The following SGCG variants were observed in gnomAD, a reference collection of about 807,000 sequenced individuals.
SGCG encodes gamma-sarcoglycan.
SGCG carries 26 observed loss-of-function variants against 29.3 expected under a neutral mutation model. The observed-to-expected ratio is 0.89, with a 90% CI of 0.65 to 1.23. SGCG has a LOEUF of 1.23. Ranked by LOEUF, SGCG falls within the 50% of genes most tolerant of loss-of-function variation. The pLI, the probability that SGCG is intolerant of heterozygous loss-of-function variation, is 0.00. For synonymous variants in SGCG, 145 were observed against 129.7 expected, an observed-to-expected ratio of 1.12 and a Z score of -0.80; for missense variants, 353 against 356.0, an observed-to-expected ratio of 0.99 and a Z score of 0.07.
At chr13:23,262,093 C>G (rs924070107) in intron 4 of SGCG, among the ~76,000 whole-genome samples, 1 of 151,776 alleles carries the variant, frequency 6.6e-6, no homozygotes, top group African/African-American at 2.4e-5. Context: ...AAAACAATAA[C>G]ACAATGAAGG....
At chr13:23,311,562 C>T (rs951333753) in intron 6 of SGCG, among the ~76,000 whole-genome samples, 3 of 152,208 alleles carry the variant, frequency 2.0e-5, no homozygotes, top group African/African-American at 7.2e-5. Context: ...ACTACTCCTA[C>T]AGGACAACTG....
At chr13:23,224,841 C>T (rs1433655081) in intron 2 of SGCG, among the ~76,000 whole-genome samples, 1 of 152,072 alleles carries the variant, frequency 6.6e-6, no homozygotes, top group Non-Finnish European at 1.5e-5. Flanking sequence ...CCAGATCATA[C>T]AATAGAGTAA....
chr13:23,176,813 T>C (rs1876572061), upstream of SGCG, among the ~76,000 whole-genome samples: 1 of 152,226 alleles, frequency 6.6e-6, no homozygotes, highest in South Asian at 2.1e-4. Flanking sequence ...TGTTTCTTCC[T>C]TCCTCCCTTG....
rs147015642 is a variant in SGCG at position 23,317,696 on chromosome 13, G to A, written c.579-2941G>A. ...TAGTATTTGGGTTGGGGATTGGTGC[G>A]TTTCCAGTTGTAGGAAGGATAGTTG... On this transcript the variant is annotated intron_variant, in intron 6 of 7. Coordinates refer to ENST00000218867, the MANE Select transcript of SGCG (RefSeq NM_000231.3). Among the ~76,000 whole-genome samples, 16 of 152,230 alleles carry A rather than the reference G, an allele frequency of 1.1e-4. 1 individual carries two copies. In the South Asian group the frequency reaches 1.2e-3, roughly 12 times the overall value.
chr13:23,318,047 TC>T (rs1470706687), intron 6 of SGCG, among the ~76,000 whole-genome samples: 1 of 152,192 alleles, frequency 6.6e-6, no homozygotes, highest in Non-Finnish European at 1.5e-5. Context: ...GCTGGATGCT[TC>T]CTGCCCTCGA....
At chr13:23,259,812 A>T (rs532991238) in intron 4 of SGCG, among the ~76,000 whole-genome samples, 1 of 152,308 alleles carries the variant, frequency 6.6e-6, no homozygotes, top group South Asian at 2.1e-4. Flanking sequence ...CCCAGTAGTC[A>T]TTCAGGAGCA....
intron 5 of SGCG, 57 bp downstream of exon 5, chr13:23,279,535 A>G (rs1881221952): frequency 6.5e-7 from 1 of 1,546,140 alleles, no homozygotes; most frequent in Admixed American, 1.7e-5. Context: ...CTGCAAAAAC[A>G]CATTGTACTA....
intron 4 of SGCG, among the ~76,000 whole-genome samples, chr13:23,265,569 T>A (rs1161007398): frequency 6.6e-6 from 1 of 151,796 alleles, no homozygotes; most frequent in Non-Finnish European, 1.5e-5. Context: ...AGAGTGAGAC[T>A]CCGTCTCAAA....
At chr13:23,299,407 CATATATAT>C (rs1191940207) in intron 6 of SGCG, among the ~76,000 whole-genome samples, 139 of 23,518 alleles carry the variant, frequency 5.9e-3, no homozygotes, top group South Asian at 0.018. Flanking sequence ...TCTTAGTTGG[CATATATAT>C]ATATATATAT....
chr13:23,227,365 C>T (rs966223913), intron 2 of SGCG, among the ~76,000 whole-genome samples: 31 of 150,054 alleles, frequency 2.1e-4, no homozygotes, highest in East Asian at 3.9e-4. Flanking sequence ...GACAAGAATG[C>T]GGAACAACTA....
intron 1 of SGCG, among the ~76,000 whole-genome samples, chr13:23,194,459 G>T (rs1484103706): frequency 6.6e-6 from 1 of 152,026 alleles, no homozygotes; most frequent in East Asian, 1.9e-4. Flanking sequence ...AAATGATGTT[G>T]TTAGGATTTC....
chr13:23,275,877 A>G (rs1246477771), intron 4 of SGCG, among the ~76,000 whole-genome samples: 2 of 152,172 alleles, frequency 1.3e-5, no homozygotes, highest in Non-Finnish European at 2.9e-5. Context: ...TTGTTTCTAA[A>G]TGATTTTATT....
chr13:23,314,167 T>C (rs1882707519), intron 6 of SGCG, among the ~76,000 whole-genome samples: 1 of 132,546 alleles, frequency 7.5e-6, no homozygotes, highest in Non-Finnish European at 1.7e-5. Context: ...ATATATAGAG[T>C]TTTGAACAGT....
At chr13:23,320,245 A>G (rs1536724) in intron 6 of SGCG, among the ~76,000 whole-genome samples, 27,868 of 152,186 alleles carry the variant, frequency 0.18, 3,256 homozygotes, top group Non-Finnish European at 0.25. Flanking sequence ...CACGATCACA[A>G]CTGTGAAGAG....
chr13:23,253,238 C>T (rs556183876), intron 4 of SGCG, among the ~76,000 whole-genome samples: 2 of 152,232 alleles, frequency 1.3e-5, no homozygotes, highest in Non-Finnish European at 2.9e-5. Context: ...GAAAGTCAGA[C>T]CATCTCTAAA....
the SGCG span, among the ~76,000 whole-genome samples, chr13:23,163,031 A>T: frequency 3.3e-5 from 5 of 152,186 alleles, no homozygotes; most frequent in Non-Finnish European, 7.3e-5. Context: ...ATAGTGGTAC[A>T]ATAATTCATA....
intron 1 of SGCG, among the ~76,000 whole-genome samples, chr13:23,191,982 T>A (rs985631040): frequency 2.0e-5 from 3 of 151,934 alleles, no homozygotes; most frequent in African/African-American, 7.3e-5. Context: ...GAGACCATCC[T>A]GGCTAACACG....
At chr13:23,302,598 T>G (rs1344534663) in intron 6 of SGCG, among the ~76,000 whole-genome samples, 1 of 152,116 alleles carries the variant, frequency 6.6e-6, no homozygotes, top group Non-Finnish European at 1.5e-5. Flanking sequence ...ATTGTGTATA[T>G]GTATCAAAAT....
chr13:23,240,898 A>C (rs1293141912), intron 3 of SGCG, among the ~76,000 whole-genome samples: 2 of 152,172 alleles, frequency 1.3e-5, no homozygotes, highest in African/African-American at 4.8e-5. Context: ...TCACGCCTGT[A>C]ATCCCAGCAC....
Sources: gnomAD v4.1 joint callset for allele counts (sites outside exome capture counted in the v4.1 genomes callset) on GRCh38, gnomAD v4.1.1 for gene constraint, MANE v1.5 for transcripts, NCBI Gene and HGNC (gene_info 2026-07-23, HGNC 2026-07-21) for gene names.